Variants in FTO observed in about 807,000 individuals in gnomAD.
FTO encodes the protein alpha-ketoglutarate-dependent dioxygenase FTO.
A neutral mutation model predicts 63.9 loss-of-function variants in FTO; 47 were observed. The observed-to-expected ratio is 0.74, with a 90% CI of 0.58 to 0.94. FTO has a LOEUF of 0.94. Among genes scored for constraint, FTO ranks in the 40% least tolerant of loss-of-function variants. FTO has a pLI of 0.00. For synonymous variants in FTO, 207 were observed against 224.4 expected (o/e 0.92, Z 0.69); for missense variants, 562 against 618.1 (o/e 0.91, Z 0.96).
chr16:54,083,256 C>A (rs546854823), intron 8 of FTO, among the ~76,000 whole-genome samples: 5 of 152,318 alleles, frequency 3.3e-5, no homozygotes, highest in African/African-American at 1.2e-4. Context: ...CCCTTGAAAG[C>A]AGCCCATTAT....
At chr16:53,848,276 T>C (rs1470005597) in intron 4 of FTO, among the ~76,000 whole-genome samples, 2 of 152,144 alleles carry the variant, frequency 1.3e-5, no homozygotes, top group Non-Finnish European at 2.9e-5. Flanking sequence ...ATAGCACTTA[T>C]GAAAAGGAAA....
chr16:54,096,926 C>T (rs2086527688), intron 8 of FTO, among the ~76,000 whole-genome samples: 1 of 152,154 alleles, frequency 6.6e-6, no homozygotes, highest in East Asian at 1.9e-4. Flanking sequence ...AGATGATTGT[C>T]ACTGCTTCAA....
At chr16:53,709,229 G>T (rs2075707447) in intron 1 of FTO, among the ~76,000 whole-genome samples, 1 of 152,186 alleles carries the variant, frequency 6.6e-6, no homozygotes, top group African/African-American at 2.4e-5. Context: ...TCTGGAGGGT[G>T]AATAAGAAGG....
At chr16:53,970,032 G>C (rs770405174) in intron 8 of FTO, among the ~76,000 whole-genome samples, 1 of 152,138 alleles carries the variant, frequency 6.6e-6, no homozygotes. Context: ...CATGTCCAAC[G>C]GAGGAGGCGA....
chr16:53,944,439 G>C (rs2143426986), intron 8 of FTO, among the ~76,000 whole-genome samples: 1 of 152,322 alleles, frequency 6.6e-6, no homozygotes, highest in East Asian at 1.9e-4. Flanking sequence ...AAATAGGAGA[G>C]AAATTTATAC....
chr16:54,102,135 C>G (rs2086654588), intron 8 of FTO, among the ~76,000 whole-genome samples: 1 of 152,132 alleles, frequency 6.6e-6, no homozygotes, highest in Admixed American at 6.6e-5. Context: ...TTGATAGTTT[C>G]TTTTGCTGTG....
intron 1 of FTO, among the ~76,000 whole-genome samples, chr16:53,792,088 A>T (rs7205859): frequency 0.71 from 106,377 of 150,226 alleles, 38,861 homozygotes; most frequent in African/African-American, 0.89. Flanking sequence ...AAAAAAAAAA[A>T]AAAAATAAAA....
At chr16:53,719,264 T>C (rs370565493) in intron 1 of FTO, among the ~76,000 whole-genome samples, 279 of 26,176 alleles carry the variant, frequency 0.011, 1 homozygote, top group Non-Finnish European at 0.024. Flanking sequence ...TTTTTTTTTT[T>C]TTTTTTTTTT....
chr16:53,922,106 TCAA>T (rs951482406), intron 7 of FTO, among the ~76,000 whole-genome samples: 5 of 152,200 alleles, frequency 3.3e-5, no homozygotes, highest in Non-Finnish European at 5.9e-5. Context: ...TCGATGATGG[TCAA>T]CAACAACAAT....
At chr16:53,764,475 C>CAAAAAAAAAAAAAAAAAA (rs56906281) in intron 1 of FTO, among the ~76,000 whole-genome samples, 5 of 118,708 alleles carry the variant, frequency 4.2e-5, no homozygotes, top group East Asian at 5.2e-4. Flanking sequence ...ACTAAAAATA[C>CAAAAAAAAAAAAAAAAAA]AAAAAAAAAA....
rs185516457 is a variant in FTO, at chr16:54,054,086, T to C, written c.1365-57676T>C. Among the ~76,000 whole-genome samples the C allele has an allele frequency of 9.9e-5, 15 of 152,134 alleles. No individual in the cohort carries two copies. The East Asian group carries it at 2.9e-3, about 30-fold the overall frequency. On this transcript the variant is annotated intron_variant, in intron 8 of 8. Transcript: ENST00000471389. ...AATTATCAAGTTCATTTTTCTCTAA[T>C]AGATGTGATTAAGTATATTTAGCAC...
chr16:53,847,704 G>A (rs765335716), intron 4 of FTO, among the ~76,000 whole-genome samples: 14 of 151,236 alleles, frequency 9.3e-5, no homozygotes, highest in Non-Finnish European at 1.3e-4. Flanking sequence ...GGAGGCAGAG[G>A]TTGCAATGAG....
At chr16:53,950,922 T>G (rs551623961) in intron 8 of FTO, among the ~76,000 whole-genome samples, 16 of 152,196 alleles carry the variant, frequency 1.1e-4, no homozygotes, top group African/African-American at 2.9e-4. Context: ...CTAGGCTCTT[T>G]CCTACAGAAG....
intron 1 of FTO, among the ~76,000 whole-genome samples, chr16:53,808,779 C>T (rs549952498): frequency 3.9e-5 from 6 of 152,318 alleles, no homozygotes; most frequent in Admixed American, 6.5e-5. Context: ...GGGACTATAT[C>T]GGCCCAGAGC....
intron 8 of FTO, among the ~76,000 whole-genome samples, chr16:54,074,267 GC>G (rs2085935651): frequency 6.6e-6 from 1 of 151,898 alleles, no homozygotes; most frequent in Non-Finnish European, 1.5e-5. Flanking sequence ...TTCTGGGTTT[GC>G]TTTTTTAATT....
At chr16:53,975,041 A>T (rs1356512376) in intron 8 of FTO, among the ~76,000 whole-genome samples, 1 of 152,176 alleles carries the variant, frequency 6.6e-6, no homozygotes, top group African/African-American at 2.4e-5. Context: ...ATATGTATAT[A>T]TATATTTCTA....
chr16:53,737,813 C>A (rs1468010398), intron 1 of FTO, among the ~76,000 whole-genome samples: 2 of 152,070 alleles, frequency 1.3e-5, no homozygotes, highest in African/African-American at 4.8e-5. Context: ...GATGACTAGT[C>A]TTTTAAAAAT....
Position 53,826,042 on chromosome 16 carries a change from A to G in FTO, c.302A>G (p.Asn101Ser). The change falls in exon 3 of 9, where the codon AAT becomes AGT. Residue 101 changes from asparagine to serine, a missense_variant. Transcript: ENST00000471389. ...LTPVSRILIG[N>S]PGCTYKYLNT... is the part of the protein sequence containing the mutation. ...CCGGTATCTCGCATCCTCATTGGTA[A>G]TCCAGGCTGCACCTACAAGTACCTG... 6.2e-7 allele frequency: 1 copy of G among 1,614,158 alleles called. No homozygotes were observed. The highest frequency in any genetic ancestry group is 8.5e-7 in the Non-Finnish European group (1 of 1,180,028).
At chr16:54,060,967 T>C (rs2085555979) in intron 8 of FTO, among the ~76,000 whole-genome samples, 1 of 152,242 alleles carries the variant, frequency 6.6e-6, no homozygotes, top group African/African-American at 2.4e-5. Context: ...TTTTCATCTC[T>C]TGTTGAAGCA....
Sources: allele counts gnomAD v4.1 joint callset (sites outside exome capture counted in the v4.1 genomes callset), GRCh38; gene constraint gnomAD v4.1.1; transcripts MANE v1.5; gene names NCBI Gene and HGNC (gene_info 2026-07-23, HGNC 2026-07-21).